BICD1: variants seen among roughly 807,000 people sequenced by gnomAD.
The protein encoded by BICD1 is protein bicaudal D homolog 1.
A neutral mutation model predicts 92.5 loss-of-function variants in BICD1; 35 were observed. The observed-to-expected ratio is 0.38, with a 90% CI of 0.29 to 0.50. The LOEUF is 0.50. BICD1 is among the 20% of genes least tolerant of loss of function. The pLI, the probability that BICD1 is intolerant of heterozygous loss-of-function variation, is 0.93. For synonymous variants in BICD1, 429 were observed against 465.1 expected, an observed-to-expected ratio of 0.92 and a Z score of 1.00; for missense variants, 950 against 1,189.8, an observed-to-expected ratio of 0.80 and a Z score of 2.97.
At chr12:32,304,533 C>T (rs1356313178) in intron 3 of BICD1, among the ~76,000 whole-genome samples, 1 of 152,172 alleles carries the variant, frequency 6.6e-6, no homozygotes, top group Non-Finnish European at 1.5e-5. Flanking sequence ...CTTACTTTCT[C>T]TAAGGAGATT....
rs767204009 is a variant in BICD1, at chr12:32,337,984, T to C, written c.2570+168T>C. The C allele has an allele frequency of 5.9e-6, 4 of 680,630 alleles. No individual in the cohort carries two copies. The highest frequency in any genetic ancestry group is 9.7e-6 in the Non-Finnish European group (4 of 410,638). The allele number at this position is 680,630 out of a possible 1,614,324, so 42.2% of individuals were successfully genotyped here. On this transcript the variant is annotated intron_variant, in intron 7 of 9. Transcript: ENST00000652176. This position sits in a 1 kb window ranked among gnomAD's most constrained non-coding sequence, Gnocchi z 4.7. ...GTGGGTCTTTCCAGATCAAAACCTT[T>C]TTGATAATTGTGTTTATGTAGTCCT...
chr12:32,335,917 A>C (rs1382275167), intron 6 of BICD1, among the ~76,000 whole-genome samples: 1 of 152,110 alleles, frequency 6.6e-6, no homozygotes, highest in African/African-American at 2.4e-5. Context: ...GTATGATGCA[A>C]ACTTGGTGCA....
chr12:32,146,144 C>G (rs1206635321), intron 1 of BICD1, among the ~76,000 whole-genome samples: 2 of 152,242 alleles, frequency 1.3e-5, no homozygotes, highest in Non-Finnish European at 2.9e-5. Flanking sequence ...CCTAATCATA[C>G]TACCAGCGTT....
intron 1 of BICD1, among the ~76,000 whole-genome samples, chr12:32,126,249 G>C (rs1716409171): frequency 6.6e-6 from 1 of 151,916 alleles, no homozygotes; most frequent in South Asian, 2.1e-4. Context: ...GGATGTGGTG[G>C]GAAAAATTGT....
chr12:32,160,714 T>C (rs1384870783), intron 1 of BICD1, among the ~76,000 whole-genome samples: 1 of 152,230 alleles, frequency 6.6e-6, no homozygotes, highest in Non-Finnish European at 1.5e-5. Flanking sequence ...TTAGGGTTTA[T>C]TATATACAAG....
intron 8 of BICD1, among the ~76,000 whole-genome samples, chr12:32,348,981 G>A (rs544456292): frequency 2.6e-5 from 4 of 152,038 alleles, no homozygotes; most frequent in South Asian, 2.1e-4. Context: ...AGAATAGCCC[G>A]TATTCCACCA....
At chr12:32,134,604 G>A (rs755446580) in intron 1 of BICD1, among the ~76,000 whole-genome samples, 5 of 152,184 alleles carry the variant, frequency 3.3e-5, no homozygotes, top group Non-Finnish European at 5.9e-5. Context: ...AAGCTACTTG[G>A]TAGGGATGTC....
chr12:32,298,712 A>T (rs1172566773), intron 3 of BICD1, among the ~76,000 whole-genome samples: 1 of 151,036 alleles, frequency 6.6e-6, no homozygotes, highest in Non-Finnish European at 1.5e-5. Flanking sequence ...CTCTACTAAA[A>T]ATACAAAATT....
At chr12:32,299,011 C>G (rs1947960158) in intron 3 of BICD1, among the ~76,000 whole-genome samples, 1 of 151,778 alleles carries the variant, frequency 6.6e-6, no homozygotes, top group Non-Finnish European at 1.5e-5. Context: ...ACAAAAGATA[C>G]AGTCACTGGC....
chr12:32,202,316 T>G (rs2121549444), intron 1 of BICD1, among the ~76,000 whole-genome samples: 1 of 152,262 alleles, frequency 6.6e-6, no homozygotes, highest in Non-Finnish European at 1.5e-5. Context: ...TAGGCAATTG[T>G]GGGAAAAAAT....
Position 32,244,011 on chromosome 12 carries a change from A to G in BICD1, c.426+27552A>G, listed in dbSNP as rs145828926. On this transcript the variant is annotated intron_variant, in intron 2 of 9. Coordinates refer to ENST00000652176, the MANE Select transcript of BICD1 (RefSeq NM_001714.4). ...TATCCGTATTAATTATTTCTTATTC[A>G]AACTTACCAGTGGCATTTAAGAAAT... 3.9e-3 allele frequency among the ~76,000 whole-genome samples: 583 copies of G among 147,624 alleles called. 6 individuals carry two copies. Among genetic ancestry groups the G allele is most frequent in the Non-Finnish European group, 6.3e-3 (430 of 68,000 alleles).
At chr12:32,312,369 A>G (rs1948403767) in intron 4 of BICD1, among the ~76,000 whole-genome samples, 1 of 152,210 alleles carries the variant, frequency 6.6e-6, no homozygotes, top group Non-Finnish European at 1.5e-5. Flanking sequence ...CCTGGTGATA[A>G]TGCCATGCCT....
chr12:32,166,910 G>A (rs1943787880), intron 1 of BICD1, among the ~76,000 whole-genome samples: 1 of 152,186 alleles, frequency 6.6e-6, no homozygotes, highest in Non-Finnish European at 1.5e-5. Context: ...GATGTGGCAT[G>A]GTGCCTGACA....
chr12:32,304,011 T>A (rs1340540812), intron 3 of BICD1, among the ~76,000 whole-genome samples: 1 of 151,996 alleles, frequency 6.6e-6, no homozygotes, highest in African/African-American at 2.4e-5. Flanking sequence ...GAGGTAGAGC[T>A]TGCAGTGAGC....
chr12:32,222,023 T>C (rs1396140788), intron 2 of BICD1, among the ~76,000 whole-genome samples: 6 of 152,304 alleles, frequency 3.9e-5, no homozygotes, highest in Non-Finnish European at 1.5e-5. Context: ...TATACTAAAC[T>C]AAACTAAAAT....
chr12:32,245,146 ATATC>A (rs765779595), intron 2 of BICD1, among the ~76,000 whole-genome samples: 7 of 152,284 alleles, frequency 4.6e-5, no homozygotes, highest in Non-Finnish European at 8.8e-5. Flanking sequence ...TTTCTTTTGA[ATATC>A]TAGTAGTATT....
intron 2 of BICD1, among the ~76,000 whole-genome samples, chr12:32,270,276 A>G (rs1364806286): frequency 1.3e-5 from 2 of 152,084 alleles, no homozygotes; most frequent in Admixed American, 6.5e-5. Flanking sequence ...ATCTAATGGT[A>G]CTATATTCGT....
At chr12:32,219,194 A>G (rs890562927) in intron 2 of BICD1, among the ~76,000 whole-genome samples, 1 of 152,156 alleles carries the variant, frequency 6.6e-6, no homozygotes, top group Non-Finnish European at 1.5e-5. Context: ...AACTTAATTA[A>G]TGGGATAATT....
intron 2 of BICD1, among the ~76,000 whole-genome samples, chr12:32,251,597 C>T (rs1268095004): frequency 6.6e-6 from 1 of 152,118 alleles, no homozygotes; most frequent in African/African-American, 2.4e-5. Context: ...TGTATATTTT[C>T]TAGAACTCTC....
Sources: gnomAD v4.1 joint callset for allele counts (sites outside exome capture counted in the v4.1 genomes callset) on GRCh38, gnomAD v4.1.1 for gene constraint, Gnocchi (gnomAD v3.1) non-coding constraint, MANE v1.5 for transcripts, NCBI Gene and HGNC (gene_info 2026-07-23, HGNC 2026-07-21) for gene names.